Variants in BBOX1 observed in about 807,000 individuals in gnomAD.
BBOX1 encodes gamma-butyrobetaine hydroxylase 1, also known as gamma-butyrobetaine dioxygenase.
In BBOX1, 35 loss-of-function variants were observed where a neutral mutation model predicts 41.6. The ratio of observed to expected loss-of-function variants is 0.84; its 90% CI spans 0.64 to 1.11. The LOEUF (loss-of-function observed/expected upper bound fraction) is 1.11, where lower values mean the gene tolerates loss of function less well. Among genes scored for constraint, BBOX1 ranks in the 50% most tolerant of loss-of-function variants. The pLI is 0.00. For synonymous variants in BBOX1, 163 were observed against 154.7 expected (o/e 1.05, Z -0.40); for missense variants, 458 against 460.6 (o/e 0.99, Z 0.05).
At chr11:27,094,727 A>T (rs929092459) in intron 5 of BBOX1, among the ~76,000 whole-genome samples, 77 of 151,948 alleles carry the variant, frequency 5.1e-4, no homozygotes, top group African/African-American at 1.8e-3. Flanking sequence ...AAAATATTCA[A>T]TCACTGAAAG....
chr11:27,047,344 T>C (rs1851516693), intron 2 of BBOX1: 1 of 152,202 alleles, frequency 6.6e-6, no homozygotes, highest in African/African-American at 2.4e-5. Context: ...AAAAAACAGA[T>C]AGAAAGCTCA....
chr11:27,106,860 T>C (rs1246807303), intron 5 of BBOX1, among the ~76,000 whole-genome samples: 2 of 152,026 alleles, frequency 1.3e-5, no homozygotes, highest in Non-Finnish European at 2.9e-5. Context: ...TCAGCAAATA[T>C]AAAAGAACAG....
intron 4 of BBOX1, among the ~76,000 whole-genome samples, chr11:27,067,603 G>A (rs754996547): frequency 4.0e-4 from 60 of 151,622 alleles, no homozygotes; most frequent in Admixed American, 8.5e-4. Context: ...GGTGGCATGC[G>A]ACTGTAGTCC....
chr11:27,126,206 T>G (rs1859645280), intron 8 of BBOX1, among the ~76,000 whole-genome samples: 1 of 152,198 alleles, frequency 6.6e-6, no homozygotes, highest in African/African-American at 2.4e-5. Context: ...TAAAGTGCCA[T>G]CAAACCTGAG....
At chr11:27,042,103 T>C (rs914135263) in intron 2 of BBOX1, among the ~76,000 whole-genome samples, 5 of 152,222 alleles carry the variant, frequency 3.3e-5, no homozygotes, top group African/African-American at 1.2e-4. Flanking sequence ...ATAATGAATA[T>C]ATGTTCTGGT....
rs535141479 is a variant in BBOX1 at position 27,059,477 on chromosome 11, GGAGGCCCCACTTA to G, written c.334+2166_334+2178del. Among the ~76,000 whole-genome samples, 62 of 152,312 alleles carry G rather than the reference GGAGGCCCCACTTA, an allele frequency of 4.1e-4. No individual in the cohort carries two copies. The South Asian group carries it at 0.011, about 26-fold the overall frequency. On this transcript the variant is annotated intron_variant, in intron 4 of 8. Coordinates refer to ENST00000263182, the MANE Select transcript of BBOX1 (RefSeq NM_003986.3). The stretch of plus-strand genomic sequence containing the variant: ...AGGGAAATGCAGAGGAAAATGAGTT[GGAGGCCCCACTTA>G]GAGTCCTCACTGGGGCACTACCTAA...
intron 2 of BBOX1, among the ~76,000 whole-genome samples, chr11:27,052,396 C>T (rs1447608351): frequency 6.6e-6 from 1 of 152,018 alleles, no homozygotes; most frequent in Non-Finnish European, 1.5e-5. Context: ...CTGTCATCAC[C>T]TTCATTGTCA....
intron 6 of BBOX1, among the ~76,000 whole-genome samples, chr11:27,116,356 A>G (rs1859260080): frequency 6.6e-6 from 1 of 151,750 alleles, no homozygotes; most frequent in African/African-American, 2.4e-5. Flanking sequence ...ATAGCATTAG[A>G]AGAAATACCT....
At chr11:27,066,513 T>C (rs1400702684) in intron 4 of BBOX1, 7 of 150,302 alleles carry the variant, frequency 4.7e-5, no homozygotes, top group East Asian at 3.9e-4. Context: ...GGTTCCACTT[T>C]GCTTCAAAAT....
chr11:27,061,489 CT>C (rs889943568), intron 4 of BBOX1, among the ~76,000 whole-genome samples: 4 of 152,168 alleles, frequency 2.6e-5, no homozygotes, highest in African/African-American at 9.7e-5. Context: ...GGTTCTATGG[CT>C]TTTTGCCTGT....
chr11:27,067,584 G>C (rs1392390253), intron 4 of BBOX1, among the ~76,000 whole-genome samples: 1 of 151,876 alleles, frequency 6.6e-6, no homozygotes, highest in Admixed American at 6.6e-5. Context: ...ACAGAAATTA[G>C]CCAGGCGTGG....
rs575442166 is a variant in BBOX1, at chr11:27,055,594, T to C, written c.164T>C (p.Val55Ala). Residue 55 changes from valine (V) to alanine (A), a missense_variant, in exon 3 of 9, where the codon GTG (valine) becomes GCG (alanine). Val to Ala is a moderately conservative substitution (Grantham distance 64). Transcript: ENST00000263182. Reference sequence around the variant, plus strand: ...TCTGCAAAAGCACGGAAACTTCTAGTGGAAGCTCTTGATGTGAACATTGGA... The same window carrying C: ...TCTGCAAAAGCACGGAAACTTCTAGCGGAAGCTCTTGATGTGAACATTGGA... ...LDSAKARKLL[V>A]EALDVNIGIK... 1 of 1,614,172 alleles carries C rather than the reference T, an allele frequency of 6.2e-7. No individual in the cohort carries two copies. The highest frequency in any genetic ancestry group is 1.3e-5 in the African/African-American group (1 of 75,060).
intron 4 of BBOX1, among the ~76,000 whole-genome samples, chr11:27,069,558 T>C (rs551358512): frequency 6.6e-6 from 1 of 152,222 alleles, no homozygotes; most frequent in Non-Finnish European, 1.5e-5. Flanking sequence ...TTGGTTGCCC[T>C]TTTTTCTTTC....
intron 4 of BBOX1, among the ~76,000 whole-genome samples, chr11:27,089,607 G>A (rs1775012586): frequency 6.6e-6 from 1 of 151,970 alleles, no homozygotes; most frequent in African/African-American, 2.4e-5. Flanking sequence ...TTTATTCAGT[G>A]ATAAGAACAA....
intron 5 of BBOX1, among the ~76,000 whole-genome samples, chr11:27,109,126 A>C (rs1043312497): frequency 6.6e-6 from 1 of 152,072 alleles, no homozygotes; most frequent in Non-Finnish European, 1.5e-5. Flanking sequence ...TTAGACTTAC[A>C]ATAGCTCTTT....
At chr11:27,104,692 A>T (rs1227668346) in intron 5 of BBOX1, among the ~76,000 whole-genome samples, 5 of 152,204 alleles carry the variant, frequency 3.3e-5, no homozygotes, top group African/African-American at 9.6e-5. Context: ...AAAAGGCAGC[A>T]GAAACTTCTG....
chr11:27,093,491 A>AC, intron 5 of BBOX1, 125 bp downstream of exon 5: 1 of 1,038,504 alleles, frequency 9.6e-7, no homozygotes, highest in South Asian at 1.7e-5. Flanking sequence ...GAAGTCAGAT[A>AC]AAAAGAAGAG....
Position 27,115,502 on chromosome 11 carries a change from C to T in BBOX1, c.584C>T (p.Thr195Ile), listed in dbSNP as rs1425640048. The change falls in exon 6 of 9, where the codon ACA (threonine) becomes ATA (isoleucine). Residue 195 changes from threonine to isoleucine, a missense_variant. Physicochemically the swap from Thr to Ile is moderately conservative, Grantham distance 89. Transcript: ENST00000263182. ...ATCGATGCAAACAATGTGGCTTACA[C>T]AACTGGGAAGCTAAGCTTTCACACT... ...DKIDANNVAY[T>I]TGKLSFHTDY... The T allele has an allele frequency of 6.2e-7, 1 of 1,611,378 alleles. No individual in the cohort carries two copies. The highest frequency in any genetic ancestry group is 8.5e-7 in the Non-Finnish European group (1 of 1,178,252).
intron 4 of BBOX1, among the ~76,000 whole-genome samples, chr11:27,067,343 G>A (rs762870951): frequency 5.9e-4 from 90 of 152,054 alleles, no homozygotes; most frequent in African/African-American, 2.0e-3. Context: ...ACGTTGTAAC[G>A]AATATGTCAT....
Sources: allele counts gnomAD v4.1 joint callset (sites outside exome capture counted in the v4.1 genomes callset), GRCh38; gene constraint gnomAD v4.1.1; transcripts MANE v1.5; gene names NCBI Gene and HGNC (gene_info 2026-07-23, HGNC 2026-07-21).